The following ALMS1 variants were observed in gnomAD, a reference collection of about 807,000 sequenced individuals.
The protein encoded by ALMS1 is centrosome-associated protein ALMS1.
ALMS1 carries 271 observed loss-of-function variants against 352.2 expected under a neutral mutation model. The ratio of observed to expected loss-of-function variants is 0.77; its 90% CI spans 0.70 to 0.85. The LOEUF is 0.85. Among genes scored for constraint, ALMS1 ranks in the 40% least tolerant of loss-of-function variants. The pLI, the probability that ALMS1 is intolerant of heterozygous loss-of-function variation, is 0.00. For missense variants in ALMS1, 5,445 were observed against 4,870.7 expected (o/e 1.12, Z -3.51); for synonymous variants, 1,865 against 1,761.2 (o/e 1.06, Z -1.48).
At chr2:73,405,672 AAT>A (rs1491495413) in intron 1 of ALMS1, among the ~76,000 whole-genome samples, 5 of 150,118 alleles carry the variant, frequency 3.3e-5, no homozygotes, top group African/African-American at 1.2e-4. Flanking sequence ...TATTGACATG[AAT>A]TTTTTTTTTT....
intron 8 of ALMS1, 66 bp downstream of exon 8, chr2:73,454,133 T>A: frequency 6.5e-7 from 1 of 1,546,492 alleles, no homozygotes; most frequent in South Asian, 1.2e-5. Flanking sequence ...TAGATATTTA[T>A]GTTTTGAGGA....
chr2:73,420,149 T>A (rs1043614628), intron 3 of ALMS1, among the ~76,000 whole-genome samples: 2 of 152,200 alleles, frequency 1.3e-5, no homozygotes, highest in Non-Finnish European at 2.9e-5. Context: ...AGGGCTGTTA[T>A]GCTAAAAAGG....
intron 9 of ALMS1, among the ~76,000 whole-genome samples, chr2:73,469,051 A>G (rs1161392023): frequency 7.2e-5 from 11 of 151,944 alleles, no homozygotes. Context: ...TCCACACTGT[A>G]CCCAATGATT....
chr2:73,541,384 G>A (rs1674176267), intron 12 of ALMS1, among the ~76,000 whole-genome samples: 1 of 152,146 alleles, frequency 6.6e-6, no homozygotes, highest in East Asian at 1.9e-4. Flanking sequence ...TGTGTAGAGG[G>A]AAATTTATAG....
At chr2:73,501,791 A>C (rs1311879428) in intron 10 of ALMS1, among the ~76,000 whole-genome samples, 2 of 152,100 alleles carry the variant, frequency 1.3e-5, no homozygotes, top group African/African-American at 4.8e-5. Context: ...ATTTTCATAC[A>C]AATTTTAGAA....
chr2:73,452,467 A>G lies in ALMS1; in HGVS notation c.5940A>G (p.Ile1980Met), dbSNP rs1671966358. 2 of 1,614,084 alleles carry G rather than the reference A, an allele frequency of 1.2e-6. No individual in the cohort carries two copies. Among genetic ancestry groups the G allele is most frequent in the Non-Finnish European group, 1.7e-6 (2 of 1,179,994 alleles). Residue 1980 changes from isoleucine (I) to methionine (M), a missense_variant, in exon 8 of 23, where the codon ATA becomes ATG. Coordinates refer to ENST00000613296, the MANE Select transcript of ALMS1 (RefSeq NM_001378454.1). ...TACCAGCAGAGCAGAAGACTGGGAT[A>G]CCAATAGGACTGTCTAGTTCCTACT... The part of the protein sequence containing the change: ...VSIPAEQKTG[I>M]PIGLSSSYSH...
chr2:73,581,014 C>G (rs764885990), intron 16 of ALMS1, among the ~76,000 whole-genome samples: 1 of 152,210 alleles, frequency 6.6e-6, no homozygotes, highest in Non-Finnish European at 1.5e-5. Context: ...TGTACTGAGC[C>G]TAAAGGTCAA....
chr2:73,473,072 C>T (rs1483919277), intron 9 of ALMS1, among the ~76,000 whole-genome samples: 3 of 152,022 alleles, frequency 2.0e-5, no homozygotes, highest in Non-Finnish European at 4.4e-5. Flanking sequence ...GAGAATGCTA[C>T]GTACATGCCT....
intron 20 of ALMS1, among the ~76,000 whole-genome samples, 159 bp from the exon 21 acceptor site, chr2:73,603,082 C>G (rs541703783): frequency 2.0e-5 from 3 of 152,288 alleles, no homozygotes; most frequent in South Asian, 2.1e-4. Flanking sequence ...TCCCTGTTAC[C>G]CTAGTCTTAC....
intron 14 of ALMS1, 76 bp downstream of exon 14, chr2:73,557,430 C>G (rs1674570401): frequency 6.3e-7 from 1 of 1,578,310 alleles, no homozygotes; most frequent in South Asian, 1.1e-5. Context: ...AGAACAGAAA[C>G]AGAAATATAT....
At position 73,426,512 on chromosome 2, in the gene ALMS1, G is replaced by C. The variant is rs751744947; in HGVS notation, c.1297G>C (p.Ala433Pro). ...VITLDGLNEN[A>P]VVCSERVAEL... ...TACTCTGGATGGCCTAAATGAAAAT[G>C]CTGTTGTATGCAGTGAAAGAGTTGC... The change falls in exon 6 of 23, where the codon GCT becomes CCT. Residue 433 changes from alanine (A) to proline (P), a missense_variant. Physicochemically the swap from Ala to Pro is conservative, Grantham distance 27 (BLOSUM62 -1). Transcript: ENST00000613296. 1 of 1,614,146 alleles carries C rather than the reference G, an allele frequency of 6.2e-7. No individual in the cohort carries two copies. Among genetic ancestry groups the C allele is most frequent in the South Asian group, 1.1e-5 (1 of 91,084 alleles).
intron 15 of ALMS1, among the ~76,000 whole-genome samples, chr2:73,560,030 A>G (rs1042122367): frequency 1.3e-5 from 2 of 152,208 alleles, no homozygotes; most frequent in African/African-American, 2.4e-5. Context: ...AAATAGACCA[A>G]TGAAACTACA....
At chr2:73,545,775 AGAG>A (rs1437403920) in intron 12 of ALMS1, among the ~76,000 whole-genome samples, 2 of 152,226 alleles carry the variant, frequency 1.3e-5, no homozygotes, top group Admixed American at 6.5e-5. Flanking sequence ...ACTTAACAAA[AGAG>A]GAGAGAAAGA....
intron 9 of ALMS1, among the ~76,000 whole-genome samples, chr2:73,486,881 C>T (rs932452300): frequency 1.3e-5 from 2 of 152,064 alleles, no homozygotes; most frequent in Non-Finnish European, 2.9e-5. Flanking sequence ...GAGACCCAGT[C>T]TCTACAAAAA....
At chr2:73,414,489 G>GT (rs11395837) in intron 2 of ALMS1, among the ~76,000 whole-genome samples, 40,069 of 91,866 alleles carry the variant, frequency 0.44, 7,246 homozygotes, top group East Asian at 0.62. Context: ...TTTTTTTTTT[G>GT]TTTTTTTTTT....
At chr2:73,457,987 T>TTG (rs1301061133) in intron 9 of ALMS1, 4 of 127,584 alleles carry the variant, frequency 3.1e-5, no homozygotes, top group Non-Finnish European at 6.2e-5. Context: ...GAGCCGAAGA[T>TTG]TGTGCCAGTG....
At chr2:73,590,562 A>G (rs1050183248) in intron 16 of ALMS1, among the ~76,000 whole-genome samples, 12 of 151,934 alleles carry the variant, frequency 7.9e-5, no homozygotes, top group Admixed American at 7.2e-4. Context: ...TTACTTTGAG[A>G]ATTACCTTTG....
intron 9 of ALMS1, among the ~76,000 whole-genome samples, chr2:73,483,496 T>C (rs1420784774): frequency 1.3e-5 from 2 of 151,982 alleles, no homozygotes; most frequent in East Asian, 3.9e-4. Flanking sequence ...GTTCCAAGTA[T>C]GTGGTCAATT....
rs1250455148 is a variant in ALMS1 at position 73,573,307 on chromosome 2, C to A, written c.11430C>A (p.Ser3810Arg). The A allele has an allele frequency of 6.2e-7, 1 of 1,613,982 alleles. No individual in the cohort carries two copies. The change falls in exon 16 of 23, where the codon AGC becomes AGA. Residue 3810 changes from serine to arginine, a missense_variant. Transcript: ENST00000613296. ...CLSPRRIKLY[S>R]SITNQQRRYL... is the part of the protein sequence containing the mutation. Reference sequence around the variant, plus strand: ...CACCCAGACGAATTAAATTATATAGCAGCATCACCAACCAACAGAGGAGAT... The same window carrying A: ...CACCCAGACGAATTAAATTATATAGAAGCATCACCAACCAACAGAGGAGAT...
Sources: gnomAD v4.1 joint callset for allele counts (sites outside exome capture counted in the v4.1 genomes callset) on GRCh38, gnomAD v4.1.1 for gene constraint, MANE v1.5 for transcripts, NCBI Gene and HGNC (gene_info 2026-07-23, HGNC 2026-07-21) for gene names.